The following FRMD6 variants were observed in gnomAD, a reference collection of about 807,000 sequenced individuals.
FRMD6 encodes FERM domain containing 6, also known as FERM domain-containing protein 6.
Under a neutral mutation model 73.2 loss-of-function variants are expected in FRMD6, and 37 were observed. The observed-to-expected ratio is 0.51, with a 90% CI of 0.39 to 0.66. FRMD6 has a LOEUF of 0.66. FRMD6 is among the 30% of genes least tolerant of loss of function. FRMD6 has a pLI of 0.00. For synonymous variants in FRMD6, 273 were observed against 282.2 expected, an observed-to-expected ratio of 0.97 and a Z score of 0.33; for missense variants, 714 against 780.5, an observed-to-expected ratio of 0.91 and a Z score of 1.02.
At chr14:51,699,955 G>A (rs185375805) in intron 3 of FRMD6, among the ~76,000 whole-genome samples, 1 of 151,904 alleles carries the variant, frequency 6.6e-6, no homozygotes, top group East Asian at 1.9e-4. Context: ...TTGTCTCTGG[G>A]ATCTCTTTTC....
the FRMD6 span, among the ~76,000 whole-genome samples, chr14:51,475,148 G>A: frequency 6.6e-6 from 1 of 152,236 alleles, no homozygotes; most frequent in East Asian, 1.9e-4. Flanking sequence ...ACACAAATTT[G>A]TATTCTCTGG....
At chr14:51,561,824 T>G (rs1331884052) in intron 1 of FRMD6, among the ~76,000 whole-genome samples, 1 of 152,196 alleles carries the variant, frequency 6.6e-6, no homozygotes, top group African/African-American at 2.4e-5. Flanking sequence ...GTATCATAGT[T>G]CACTAAGAAG....
chr14:51,427,455 G>A, the FRMD6 span, among the ~76,000 whole-genome samples: 1 of 152,250 alleles, frequency 6.6e-6, no homozygotes, highest in African/African-American at 2.4e-5. Flanking sequence ...AACCTTATGG[G>A]AGGAGAAGCA....
intron 1 of FRMD6, among the ~76,000 whole-genome samples, chr14:51,508,199 C>T (rs977797763): frequency 6.6e-6 from 1 of 151,912 alleles, no homozygotes; most frequent in Admixed American, 6.5e-5. Flanking sequence ...CCCCATCCGG[C>T]CCTGCCTGTT....
intron 2 of FRMD6, among the ~76,000 whole-genome samples, chr14:51,597,757 G>A (rs1387258758): frequency 6.6e-6 from 1 of 152,184 alleles, no homozygotes; most frequent in African/African-American, 2.4e-5. Context: ...TAAAGAAGGG[G>A]GTAAAGAAAT....
chr14:51,614,833 T>C (rs938930076), intron 2 of FRMD6, among the ~76,000 whole-genome samples: 3 of 152,184 alleles, frequency 2.0e-5, no homozygotes, highest in South Asian at 2.1e-4. Flanking sequence ...CTAAGGGCCA[T>C]CAGCATACTT....
At chr14:51,591,185 T>C (rs764749207) in intron 2 of FRMD6, among the ~76,000 whole-genome samples, 4 of 152,200 alleles carry the variant, frequency 2.6e-5, no homozygotes, top group African/African-American at 4.8e-5. Context: ...CAGTCCATAC[T>C]GCGTCTTTGT....
chr14:51,596,822 A>T (rs935501509), intron 2 of FRMD6, among the ~76,000 whole-genome samples: 3 of 152,198 alleles, frequency 2.0e-5, no homozygotes, highest in African/African-American at 7.2e-5. Flanking sequence ...TGTCTTTCAC[A>T]CAAGAGCATT....
chr14:51,480,368 G>A, the FRMD6 span, among the ~76,000 whole-genome samples: 1 of 152,210 alleles, frequency 6.6e-6, no homozygotes, highest in African/African-American at 2.4e-5. Context: ...ACAGTTTATA[G>A]CCAGGCAGAG....
At chr14:51,695,825 T>C (rs1012750135) in intron 2 of FRMD6, among the ~76,000 whole-genome samples, 2 of 152,178 alleles carry the variant, frequency 1.3e-5, no homozygotes, top group African/African-American at 2.4e-5. Context: ...TATTTAATAA[T>C]GAATGTGGAA....
chr14:51,457,678 A>G, the FRMD6 span, among the ~76,000 whole-genome samples: 1 of 152,238 alleles, frequency 6.6e-6, no homozygotes, highest in Non-Finnish European at 1.5e-5. Context: ...GTCACATGGT[A>G]GCACTTCGCT....
chr14:51,513,535 G>A (rs552873857), intron 1 of FRMD6, among the ~76,000 whole-genome samples: 3 of 152,120 alleles, frequency 2.0e-5, no homozygotes, highest in Non-Finnish European at 2.9e-5. Flanking sequence ...AAGTCTGGAT[G>A]GCAGAGCCTC....
chr14:51,458,191 G>A, the FRMD6 span, among the ~76,000 whole-genome samples: 2 of 152,192 alleles, frequency 1.3e-5, no homozygotes, highest in African/African-American at 4.8e-5. Context: ...GAAGAGAGTT[G>A]TGTTGATATG....
intron 1 of FRMD6, among the ~76,000 whole-genome samples, chr14:51,564,062 C>G (rs1030855320): frequency 2.0e-5 from 3 of 152,170 alleles, no homozygotes; most frequent in Non-Finnish European, 4.4e-5. Context: ...TTTATTACAG[C>G]TCTGGTCACT....
At chr14:51,443,834 C>A in the FRMD6 span, among the ~76,000 whole-genome samples, 2 of 152,050 alleles carry the variant, frequency 1.3e-5, no homozygotes, top group Non-Finnish European at 2.9e-5. Context: ...TTATCTCCAC[C>A]AATAGAGAAA....
At chr14:51,639,681 T>C (rs906532128) in intron 2 of FRMD6, among the ~76,000 whole-genome samples, 2 of 152,316 alleles carry the variant, frequency 1.3e-5, no homozygotes. Context: ...GTTGCATTCC[T>C]GGAAACCACC....
intron 1 of FRMD6, chr14:51,491,302 G>A (rs1317047696): frequency 1.3e-5 from 2 of 152,276 alleles, no homozygotes; most frequent in Non-Finnish European, 2.9e-5. Context: ...ACCAGCACAT[G>A]CGCTTCCTTT....
At chr14:51,687,243 C>T in intron 1 of FRMD6, among the ~76,000 whole-genome samples, 1 of 151,916 alleles carries the variant, frequency 6.6e-6, no homozygotes, top group Non-Finnish European at 1.5e-5. Flanking sequence ...TAGACATACC[C>T]TGCTTTAATT....
At chr14:51,714,192 C>T (rs1438744345) in intron 9 of FRMD6, 1 of 152,160 alleles carries the variant, frequency 6.6e-6, no homozygotes, top group African/African-American at 2.4e-5. Context: ...TAACTCCCTC[C>T]CTAGACTTGC....
Sources: allele counts gnomAD v4.1 joint callset (sites outside exome capture counted in the v4.1 genomes callset), GRCh38; gene constraint gnomAD v4.1.1; transcripts MANE v1.5; gene names NCBI Gene and HGNC (gene_info 2026-07-23, HGNC 2026-07-21).